The following PAPOLA variants were observed in gnomAD, a reference collection of about 807,000 sequenced individuals.
PAPOLA encodes polynucleotide adenylyltransferase alpha.
A neutral mutation model predicts 100.6 loss-of-function variants in PAPOLA; 15 were observed. That is an observed-to-expected ratio of 0.15 (90% CI 0.10 to 0.23). The LOEUF (loss-of-function observed/expected upper bound fraction) is 0.23. Among genes scored for constraint, PAPOLA ranks in the 10% least tolerant of loss-of-function variants. The probability of loss-of-function intolerance (pLI) is 1.00; values close to 1 mark genes in which losing one functional copy is unlikely to be tolerated. For missense variants in PAPOLA, 533 were observed against 884.2 expected (o/e 0.60, Z 5.04); for synonymous variants, 293 against 300.0 (o/e 0.98, Z 0.24).
At chr14:96,529,870 A>G (rs1307367683) in intron 6 of PAPOLA, among the ~76,000 whole-genome samples, 1 of 152,220 alleles carries the variant, frequency 6.6e-6, no homozygotes, top group East Asian at 1.9e-4. Context: ...TTCCTTTAGA[A>G]AAGAAACAAT....
intron 6 of PAPOLA, 132 bp from the exon 7 acceptor site, chr14:96,531,343 G>A: frequency 1.5e-6 from 1 of 647,880 alleles, no homozygotes; most frequent in Non-Finnish European, 2.7e-6. Flanking sequence ...TGTTGCCCAG[G>A]CTGGTCTTGC....
intron 1 of PAPOLA, among the ~76,000 whole-genome samples, chr14:96,514,708 T>G (rs1897330209): frequency 6.6e-6 from 1 of 152,246 alleles, no homozygotes; most frequent in African/African-American, 2.4e-5. Flanking sequence ...TTTCTCAGCT[T>G]TGGTCTAAAA....
chr14:96,536,035 A>T (rs1184296988), intron 11 of PAPOLA, 36 bp downstream of exon 11: 4 of 1,513,024 alleles, frequency 2.6e-6, no homozygotes, highest in Non-Finnish European at 3.6e-6. Flanking sequence ...TTTATACAGG[A>T]AGGATTTACG....
chr14:96,558,866 C>A (rs1323797003), intron 19 of PAPOLA, among the ~76,000 whole-genome samples: 1 of 151,892 alleles, frequency 6.6e-6, no homozygotes, highest in Non-Finnish European at 1.5e-5. Context: ...CTCAAATGGC[C>A]CCTGATTGTT....
intron 1 of PAPOLA, among the ~76,000 whole-genome samples, chr14:96,514,772 C>A (rs1001498884): frequency 6.6e-6 from 1 of 152,118 alleles, no homozygotes; most frequent in Non-Finnish European, 1.5e-5. Flanking sequence ...TTGTAAAATT[C>A]CTAGTTTGTT....
chr14:96,534,886 A>G (rs1595531957), intron 10 of PAPOLA: 1 of 1,053,856 alleles, frequency 9.5e-7, no homozygotes, highest in East Asian at 6.8e-5. Context: ...AAAGGATACT[A>G]AAAATCCCTG....
chr14:96,502,672 G>A (rs569775503), intron 1 of PAPOLA, 72 bp downstream of exon 1: 15 of 1,524,018 alleles, frequency 9.8e-6, no homozygotes, highest in Non-Finnish European at 1.3e-5. Flanking sequence ...AGGGGAAGAG[G>A]TAGGCGGAGA....
In PAPOLA at chr14:96,520,083, A is replaced by C. The variant is rs764803879; in HGVS notation, c.37A>C (p.Thr13Pro). The C allele has an allele frequency of 6.2e-7, 1 of 1,613,470 alleles. No homozygotes were observed. The highest frequency in any genetic ancestry group is 1.1e-5 in the South Asian group (1 of 90,858). Residue 13 changes from threonine (T) to proline (P), a missense_variant, in exon 2 of 22, where the codon ACA becomes CCA. Thr to Pro is a conservative substitution (Grantham distance 38). Coordinates refer to ENST00000216277, the MANE Select transcript of PAPOLA (RefSeq NM_032632.5). ...AGTTACAACACAGGGATCACAACAA[A>C]CACAACCGCCACAGAAGCACTATGG... ...FPVTTQGSQQTQPPQKHYGIT... is the reference protein window; with the variant it reads ...FPVTTQGSQQPQPPQKHYGIT...
Position 96,566,267 on chromosome 14 carries a change from C to G in PAPOLA, c.*1217C>G, listed in dbSNP as rs1168474023. ...CATTTTAAAAATCATTTCTAGCAAGCACTTGACATCTAGTCAGCTCTCTAC... is the reference window on the plus strand; with the variant it reads ...CATTTTAAAAATCATTTCTAGCAAGGACTTGACATCTAGTCAGCTCTCTAC... On this transcript the variant is annotated 3_prime_UTR_variant, in exon 22 of 22. Coordinates refer to ENST00000216277, the MANE Select transcript of PAPOLA (RefSeq NM_032632.5). The G allele has an allele frequency of 9.9e-6, 2 of 202,912 alleles. No homozygotes were observed. Among genetic ancestry groups the G allele is most frequent in the South Asian group, 1.9e-4 (1 of 5,330 alleles). 12.6% of individuals were successfully genotyped at this position (202,912 alleles called of 1,614,324 possible).
At chr14:96,506,048 T>C (rs560475293) in intron 1 of PAPOLA, among the ~76,000 whole-genome samples, 1 of 152,168 alleles carries the variant, frequency 6.6e-6, no homozygotes, top group African/African-American at 2.4e-5. Flanking sequence ...GGACTACAGG[T>C]GTACGCCACC....
intron 15 of PAPOLA, 49 bp from the exon 16 acceptor site, chr14:96,547,748 C>T: frequency 6.9e-7 from 1 of 1,456,196 alleles, no homozygotes; most frequent in Non-Finnish European, 9.4e-7. Context: ...AGTATAACTG[C>T]CTTTATTAAA....
intron 21 of PAPOLA, among the ~76,000 whole-genome samples, chr14:96,563,430 T>C (rs896031260): frequency 2.7e-4 from 41 of 152,318 alleles, no homozygotes; most frequent in African/African-American, 9.6e-4. Flanking sequence ...ATCTGGAATC[T>C]TTTTTCATTG....
intron 3 of PAPOLA, among the ~76,000 whole-genome samples, chr14:96,522,806 G>C (rs1285469092): frequency 2.0e-5 from 3 of 152,136 alleles, no homozygotes; most frequent in Admixed American, 2.0e-4. Flanking sequence ...AGAGTTGTGT[G>C]TGGAGTTCAT....
intron 3 of PAPOLA, among the ~76,000 whole-genome samples, chr14:96,524,446 A>G (rs751178896): frequency 1.3e-5 from 2 of 152,150 alleles, no homozygotes; most frequent in Non-Finnish European, 2.9e-5. Flanking sequence ...ATTTACCAAT[A>G]TTGGCTTTTT....
chr14:96,518,264 C>T (rs1033760733), intron 1 of PAPOLA, among the ~76,000 whole-genome samples: 2 of 152,218 alleles, frequency 1.3e-5, no homozygotes, highest in African/African-American at 4.8e-5. Context: ...GGCTTCTTGG[C>T]ATTCTTAGAT....
At position 96,564,982 on chromosome 14, in the gene PAPOLA, A is replaced by G. The variant is rs773883434; in HGVS notation, c.2170A>G (p.Ile724Val). Residue 724 changes from isoleucine (I) to valine (V), a missense_variant, in exon 22 of 22, where the codon ATC becomes GTC. This residue lies in a region of PAPOLA where 242 missense variants were observed against 281.0 expected (regional missense o/e 0.86). Coordinates refer to ENST00000216277, the MANE Select transcript of PAPOLA (RefSeq NM_032632.5). ...AACATCCAGTACAGACCTTTCTGAT[A>G]TCCCTGCTCTCCCTGCAAATCCTAT... Reference protein sequence around the residue: ...QKTSSTDLSDIPALPANPIPV... With the variant: ...QKTSSTDLSDVPALPANPIPV... 5 of 1,595,884 alleles carry G rather than the reference A, an allele frequency of 3.1e-6. No homozygotes were observed. The highest frequency in any genetic ancestry group is 4.3e-6 in the Non-Finnish European group (5 of 1,163,684).
At chr14:96,541,004 C>A (rs1188222608) in intron 12 of PAPOLA, among the ~76,000 whole-genome samples, 1 of 152,180 alleles carries the variant, frequency 6.6e-6, no homozygotes, top group Non-Finnish European at 1.5e-5. Context: ...ATTCTCCTGC[C>A]TCAGCCTCCT....
intron 3 of PAPOLA, among the ~76,000 whole-genome samples, chr14:96,522,116 CTTTTT>C (rs754167531): frequency 1.0e-4 from 6 of 57,840 alleles, no homozygotes; most frequent in Non-Finnish European, 1.6e-4. Context: ...TTCTTTCTTT[CTTTTT>C]TTTTTTTTTT....
intron 13 of PAPOLA, 123 bp from the exon 14 acceptor site, chr14:96,542,651 C>T: frequency 1.1e-6 from 1 of 898,996 alleles, no homozygotes; most frequent in African/African-American, 1.7e-5. Flanking sequence ...TTGGGTAGAA[C>T]ATAAGGCTTC....
Sources: gnomAD v4.1 joint callset for allele counts (sites outside exome capture counted in the v4.1 genomes callset) on GRCh38, gnomAD v4.1.1 for gene constraint, gnomAD v4.1.1 regional missense constraint, MANE v1.5 for transcripts, NCBI Gene and HGNC (gene_info 2026-07-23, HGNC 2026-07-21) for gene names.